CTIF: variants seen among roughly 807,000 people sequenced by gnomAD.
CTIF encodes CBP80/20-dependent translation initiation factor.
CTIF carries 21 observed loss-of-function variants against 66.0 expected under a neutral mutation model. The ratio of observed to expected loss-of-function variants is 0.32; its 90% CI spans 0.23 to 0.46. CTIF has a LOEUF of 0.46. Among genes scored for constraint, CTIF ranks in the 20% least tolerant of loss-of-function variants. The pLI is 1.00. For missense variants in CTIF, 739 were observed against 812.7 expected (o/e 0.91, Z 1.10); for synonymous variants, 345 against 326.4 (o/e 1.06, Z -0.62).
In CTIF at chr18:48,817,069, G is replaced by C. The variant is rs148057190; in HGVS notation, c.1372-152G>C. 603 of 718,060 alleles carry C rather than the reference G, an allele frequency of 8.4e-4. 8 individuals carry two copies. The East Asian group carries it at 0.013, about 16-fold the overall frequency. The allele number at this position is 718,060 out of a possible 1,614,324, so 44.5% of individuals were successfully genotyped here. A position where few individuals can be genotyped will look rare whatever the true frequency, so the allele number is the denominator to read the frequency against. ...GTCAGGGTGGTCCCAGCCACAGAGA[G>C]TGCAATCACGCACCCCCATCCTCAT... On this transcript the variant is annotated intron_variant, in intron 9 of 11. Transcript: ENST00000256413.
intron 3 of CTIF, among the ~76,000 whole-genome samples, chr18:48,659,124 G>A (rs1202929431): frequency 6.6e-6 from 1 of 152,072 alleles, no homozygotes; most frequent in Non-Finnish European, 1.5e-5. Flanking sequence ...GCCTTTAGTG[G>A]TTATATGCCT....
At chr18:48,731,444 A>G (rs1197353599) in intron 7 of CTIF, among the ~76,000 whole-genome samples, 1 of 152,078 alleles carries the variant, frequency 6.6e-6, no homozygotes, top group African/African-American at 2.4e-5. Flanking sequence ...GTCCTTTGTC[A>G]CCATATTCCC....
In CTIF at chr18:48,827,829, C is replaced by T. The variant is rs545415879; in HGVS notation, c.1527+10453C>T. ...CCCGCTTTGTCCCCTCCAGAGCTTTCGTTCCCCTCTTCCGCTCAGCACACA... is the reference window on the plus strand; with the variant it reads ...CCCGCTTTGTCCCCTCCAGAGCTTTTGTTCCCCTCTTCCGCTCAGCACACA... On this transcript the variant is annotated intron_variant, in intron 10 of 11. Transcript: ENST00000256413. Among the ~76,000 whole-genome samples, 3 of 152,312 alleles carry T rather than the reference C, an allele frequency of 2.0e-5. 1 individual carries two copies. The highest frequency in any genetic ancestry group is 4.1e-4 in the South Asian group (2 of 4,822).
intron 6 of CTIF, among the ~76,000 whole-genome samples, chr18:48,671,592 A>G (rs1328623267): frequency 1.3e-5 from 2 of 152,044 alleles, no homozygotes; most frequent in African/African-American, 2.4e-5. Context: ...GACCTCATCT[A>G]TTTGATTATG....
At chr18:48,830,475 T>G (rs2068667134) in intron 10 of CTIF, among the ~76,000 whole-genome samples, 1 of 152,030 alleles carries the variant, frequency 6.6e-6, no homozygotes, top group African/African-American at 2.4e-5. Context: ...CCGGCCAGAT[T>G]TGTTGATTAT....
At chr18:48,651,965 C>T (rs973128102) in intron 3 of CTIF, among the ~76,000 whole-genome samples, 8 of 152,206 alleles carry the variant, frequency 5.3e-5, no homozygotes, top group Non-Finnish European at 1.2e-4. Context: ...ACATTTAAAG[C>T]AGTGTGTAGA....
intron 10 of CTIF, among the ~76,000 whole-genome samples, chr18:48,825,353 C>T (rs1048341122): frequency 6.6e-6 from 1 of 152,128 alleles, no homozygotes; most frequent in Non-Finnish European, 1.5e-5. Context: ...CAACTGGCTG[C>T]GCTCCTAGAG....
chr18:48,711,720 T>C, intron 7 of CTIF, 25 bp downstream of exon 7: 2 of 1,603,474 alleles, frequency 1.2e-6, no homozygotes, highest in Non-Finnish European at 1.7e-6. Flanking sequence ...GTCGTGAGCT[T>C]TGGGTTTTCC....
rs554082164 is a variant in CTIF at position 48,660,954 on chromosome 18, C to T, written c.253-2798C>T. Among the ~76,000 whole-genome samples, 4 of 152,346 alleles carry T rather than the reference C, an allele frequency of 2.6e-5. No homozygotes were observed. The South Asian group carries it at 8.3e-4, about 32-fold the overall frequency. On this transcript the variant is annotated intron_variant, in intron 3 of 11. Coordinates refer to ENST00000256413, the MANE Select transcript of CTIF (RefSeq NM_014772.3). Reference sequence around the variant, plus strand: ...TACTCTCTAAGGGCCTTACGGGCCTCGGATCCTAGGACGGTAAATCATTCT... The same window carrying T: ...TACTCTCTAAGGGCCTTACGGGCCTTGGATCCTAGGACGGTAAATCATTCT...
chr18:48,659,858 A>T (rs558125628), intron 3 of CTIF, among the ~76,000 whole-genome samples: 1 of 152,358 alleles, frequency 6.6e-6, no homozygotes, highest in Admixed American at 6.5e-5. Context: ...TACGGTGTGT[A>T]CTGGGAATGG....
At chr18:48,639,275 T>C (rs541075550) in intron 3 of CTIF, among the ~76,000 whole-genome samples, 11 of 152,220 alleles carry the variant, frequency 7.2e-5, no homozygotes, top group Admixed American at 6.5e-4. Flanking sequence ...CAGGAGCGAT[T>C]TCTTAGAGGT....
At chr18:48,713,474 G>A (rs375083812) in intron 7 of CTIF, among the ~76,000 whole-genome samples, 2 of 152,190 alleles carry the variant, frequency 1.3e-5, no homozygotes, top group African/African-American at 4.8e-5. Flanking sequence ...ACCCAGGGAT[G>A]TAGGAAGAGG....
At chr18:48,766,144 C>T (rs1418029429) in intron 9 of CTIF, among the ~76,000 whole-genome samples, 2 of 140,164 alleles carry the variant, frequency 1.4e-5, no homozygotes, top group African/African-American at 5.3e-5. Context: ...CTTAATGTGC[C>T]AAGCATGTTG....
chr18:48,786,914 G>A (rs1185352753), intron 9 of CTIF, among the ~76,000 whole-genome samples: 2 of 150,246 alleles, frequency 1.3e-5, no homozygotes, highest in Middle Eastern at 3.4e-3. Context: ...GGGGTGGCCC[G>A]GATGACCTCT....
intron 1 of CTIF, among the ~76,000 whole-genome samples, chr18:48,546,730 G>A (rs1037743288): frequency 6.6e-6 from 1 of 152,116 alleles, no homozygotes; most frequent in African/African-American, 2.4e-5. Flanking sequence ...GGAATCAAGA[G>A]CCCTGCCTAA....
chr18:48,709,153 A>G (rs773420048), intron 6 of CTIF, among the ~76,000 whole-genome samples: 1 of 152,244 alleles, frequency 6.6e-6, no homozygotes, highest in African/African-American at 2.4e-5. Flanking sequence ...AGGCACATAG[A>G]GGTTAGGTCA....
intron 1 of CTIF, chr18:48,566,287 C>A (rs1373761126): frequency 6.6e-6 from 1 of 152,282 alleles, no homozygotes; most frequent in Non-Finnish European, 1.5e-5. Context: ...CTACAGTGTG[C>A]CAAGTCCTGT....
chr18:48,686,536 G>A (rs1490367190), intron 6 of CTIF, among the ~76,000 whole-genome samples: 3 of 152,040 alleles, frequency 2.0e-5, no homozygotes, highest in East Asian at 3.9e-4. Context: ...CGGTTCTCAC[G>A]TTTTTTTACT....
intron 1 of CTIF, among the ~76,000 whole-genome samples, chr18:48,555,514 G>A (rs1351962822): frequency 1.3e-5 from 2 of 152,226 alleles, no homozygotes; most frequent in Non-Finnish European, 1.5e-5. Context: ...TGGGCTTCCA[G>A]GCCTGGAGAA....
Sources: gnomAD v4.1 joint callset for allele counts (sites outside exome capture counted in the v4.1 genomes callset) on GRCh38, gnomAD v4.1.1 for gene constraint, MANE v1.5 for transcripts, NCBI Gene and HGNC (gene_info 2026-07-23, HGNC 2026-07-21) for gene names.